The following TUSC3 variants were observed in gnomAD, a reference collection of about 807,000 sequenced individuals.
TUSC3 encodes tumor suppressor candidate 3, also known as dolichyl-diphosphooligosaccharide--protein glycosyltransferase subunit TUSC3.
TUSC3 carries 45 observed loss-of-function variants against 44.8 expected under a neutral mutation model. That is an observed-to-expected ratio of 1.00 (90% CI 0.79 to 1.29). The LOEUF is 1.29. TUSC3 is among the 50% of genes most tolerant of loss of function. The probability of loss-of-function intolerance (pLI) is 0.00; values close to 1 mark genes in which losing one functional copy is unlikely to be tolerated. For synonymous variants in TUSC3, 212 were observed against 152.9 expected (o/e 1.39, Z -2.85); for missense variants, 519 against 437.9 (o/e 1.19, Z -1.65).
intron 1 of TUSC3, among the ~76,000 whole-genome samples, chr8:15,556,923 G>C (rs1312361739): frequency 3.4e-5 from 5 of 149,134 alleles, no homozygotes; most frequent in Non-Finnish European, 7.5e-5. Flanking sequence ...CAGATGAGTA[G>C]GTTGTGAAAA....
At chr8:15,813,833 A>C in the TUSC3 span, among the ~76,000 whole-genome samples, 3 of 152,020 alleles carry the variant, frequency 2.0e-5, no homozygotes, top group Non-Finnish European at 4.4e-5. Context: ...CCATCGAAGT[A>C]TTACGTTGAG....
At chr8:15,625,532 A>T (rs1029142866) in intron 2 of TUSC3, among the ~76,000 whole-genome samples, 24 of 152,228 alleles carry the variant, frequency 1.6e-4, no homozygotes, top group African/African-American at 5.8e-4. Context: ...AGCACAGCAC[A>T]GTTTGTTTAT....
At chr8:15,483,435 GGTTCAAGCGA>G (rs1426513347) in exon 2 of TUSC3, 1 of 163,922 alleles carries the variant, frequency 6.1e-6, no homozygotes, top group Non-Finnish European at 1.3e-5. Context: ...CTGCCTCCCG[GGTTCAAGCGA>G]GTCTCCTGCC....
chr8:15,680,235 T>G (rs557327875), intron 6 of TUSC3, among the ~76,000 whole-genome samples: 2 of 152,174 alleles, frequency 1.3e-5, no homozygotes, highest in South Asian at 2.1e-4. Context: ...GGTTTTCCAT[T>G]TATTTGTGTC....
chr8:15,627,464 G>A (rs1380073308), intron 2 of TUSC3, among the ~76,000 whole-genome samples: 2 of 152,222 alleles, frequency 1.3e-5, no homozygotes, highest in African/African-American at 4.8e-5. Flanking sequence ...AAGAACTTGG[G>A]ACCTGCCAAA....
chr8:15,496,798 C>A (rs1047738750), intron 2 of TUSC3, among the ~76,000 whole-genome samples: 1 of 152,186 alleles, frequency 6.6e-6, no homozygotes, highest in Non-Finnish European at 1.5e-5. Flanking sequence ...CCCCATATTT[C>A]TCACACTCAC....
chr8:15,811,447 G>C, the TUSC3 span, among the ~76,000 whole-genome samples: 17 of 152,318 alleles, frequency 1.1e-4, no homozygotes, highest in South Asian at 3.3e-3. Flanking sequence ...CCCGGGGGTA[G>C]TTGCCACCTT....
In TUSC3 at chr8:15,426,436, A is replaced by G. The variant is rs541159085; in HGVS notation, n.91+9131A>G. On this transcript the variant is annotated intron_variant and non_coding_transcript_variant, in intron 1 of 5. Transcript: ENST00000503191. The stretch of plus-strand genomic sequence containing the variant: ...ATCCCATTATTGTATTCTTTATTGT[A>G]TTCTTTGCTTCCATGAGTTTGACTG... 2.5e-3 allele frequency among the ~76,000 whole-genome samples: 388 copies of G among 152,238 alleles called. 2 individuals are homozygous for G. The highest frequency in any genetic ancestry group is 8.8e-3 in the African/African-American group (365 of 41,536).
intron 2 of TUSC3, among the ~76,000 whole-genome samples, chr8:15,489,362 T>A (rs1800776642): frequency 6.6e-6 from 1 of 152,172 alleles, no homozygotes; most frequent in African/African-American, 2.4e-5. Flanking sequence ...ACCAAGGTTC[T>A]TATTATGCAG....
downstream of TUSC3, among the ~76,000 whole-genome samples, chr8:15,768,105 T>C (rs1006393583): frequency 5.9e-5 from 9 of 152,082 alleles, no homozygotes; most frequent in African/African-American, 2.2e-4. Context: ...GTTGAAAGAG[T>C]TCCCCAATAG....
At chr8:15,752,401 G>T (rs1035180675) in intron 9 of TUSC3, among the ~76,000 whole-genome samples, 16 of 151,888 alleles carry the variant, frequency 1.1e-4, no homozygotes, top group African/African-American at 1.7e-4. Context: ...TAGACAGAAA[G>T]AAATATATGA....
intron 2 of TUSC3, among the ~76,000 whole-genome samples, chr8:15,492,254 G>A (rs528726333): frequency 6.6e-6 from 1 of 152,202 alleles, no homozygotes; most frequent in African/African-American, 2.4e-5. Context: ...GAGTTAGCAC[G>A]AACTCAAGAA....
chr8:15,457,566 C>T (rs935111291), intron 1 of TUSC3, among the ~76,000 whole-genome samples: 1 of 150,900 alleles, frequency 6.6e-6, no homozygotes, highest in African/African-American at 2.4e-5. Flanking sequence ...AACTTTTCTG[C>T]ACATACGCTA....
chr8:15,673,989 CAT>C (rs1260871899), intron 6 of TUSC3, among the ~76,000 whole-genome samples, 153 bp downstream of exon 6: 5 of 143,222 alleles, frequency 3.5e-5, no homozygotes, highest in African/African-American at 4.9e-5. Context: ...CCTATATACA[CAT>C]GTGCATACAC....
intron 1 of TUSC3, among the ~76,000 whole-genome samples, chr8:15,440,216 A>G (rs549379039): frequency 2.7e-4 from 41 of 152,304 alleles, no homozygotes; most frequent in Middle Eastern, 3.4e-3. Context: ...CAAACCAAAG[A>G]GAGGAGTAGA....
chr8:15,686,134 A>G (rs1808618284), intron 6 of TUSC3, among the ~76,000 whole-genome samples: 1 of 152,194 alleles, frequency 6.6e-6, no homozygotes, highest in African/African-American at 2.4e-5. Flanking sequence ...CATGAAAATC[A>G]ACACAAAAGC....
chr8:15,447,689 A>G (rs185074976), intron 1 of TUSC3, among the ~76,000 whole-genome samples: 1 of 151,118 alleles, frequency 6.6e-6, no homozygotes, highest in Non-Finnish European at 1.5e-5. Flanking sequence ...GAACATAATT[A>G]TGTCTTTTTT....
intron 1 of TUSC3, among the ~76,000 whole-genome samples, chr8:15,589,963 G>C (rs893479395): frequency 6.6e-6 from 1 of 152,078 alleles, no homozygotes; most frequent in Admixed American, 6.5e-5. Context: ...TGATCTTTTT[G>C]GTAGGCGTAG....
chr8:15,523,966 G>A (rs1314808778), intron 2 of TUSC3, among the ~76,000 whole-genome samples: 2 of 149,618 alleles, frequency 1.3e-5, no homozygotes, highest in Non-Finnish European at 3.0e-5. Context: ...TGAGGCAGGA[G>A]AATCACTTGA....
Sources: allele counts gnomAD v4.1 joint callset (sites outside exome capture counted in the v4.1 genomes callset), GRCh38; gene constraint gnomAD v4.1.1; transcripts MANE v1.5; gene names NCBI Gene and HGNC (gene_info 2026-07-23, HGNC 2026-07-21).